SETD2: variants seen among roughly 807,000 people sequenced by gnomAD.
SETD2 encodes SET domain containing 2, histone lysine methyltransferase, also known as histone-lysine N-methyltransferase SETD2.
In SETD2, 31 loss-of-function variants were observed where a neutral mutation model predicts 242.1. The ratio of observed to expected loss-of-function variants is 0.13; its 90% CI spans 0.10 to 0.17. The LOEUF is 0.17. Among genes scored for constraint, SETD2 ranks in the 10% least tolerant of loss-of-function variants. The probability of loss-of-function intolerance (pLI) is 1.00; values close to 1 mark genes in which losing one functional copy is unlikely to be tolerated. For missense variants in SETD2, 2,481 were observed against 3,046.3 expected (o/e 0.81, Z 4.37); for synonymous variants, 1,006 against 1,066.5 (o/e 0.94, Z 1.11).
intron 15 of SETD2, among the ~76,000 whole-genome samples, chr3:47,047,374 T>A (rs1012155554): frequency 6.6e-6 from 1 of 152,172 alleles, no homozygotes; most frequent in African/African-American, 2.4e-5. Flanking sequence ...GCATAGAAAA[T>A]CTGCTTAAAT....
chr3:47,146,484 C>G (rs1192443039), intron 1 of SETD2, among the ~76,000 whole-genome samples: 1 of 151,858 alleles, frequency 6.6e-6, no homozygotes, highest in Non-Finnish European at 1.5e-5. Context: ...AAAAATTAAC[C>G]AGTCATAGTG....
Position 47,121,532 on chromosome 3 carries a change from T to C in SETD2, c.3104A>G (p.His1035Arg), listed in dbSNP as rs2106653309. 6.2e-7 allele frequency: 1 copy of C among 1,614,180 alleles called. No homozygotes were observed. The highest frequency in any genetic ancestry group is 1.3e-5 in the African/African-American group (1 of 75,062). ...GHAPEIVSTV[H>R]EDYSGSSESS... ...TTCAGAAGAGCCAGAATAATCTTCA[T>C]GAACTGTAGACACAATTTCTGGGGC... Residue 1035 changes from histidine to arginine, a missense_variant, in exon 3 of 21, where the codon CAT becomes CGT. By Grantham distance (29) the His-to-Arg change is conservative. Transcript: ENST00000409792.
At position 47,106,253 on chromosome 3, in the gene SETD2, T is replaced by G; in HGVS notation, c.4716-133A>C. On this transcript the variant is annotated intron_variant, in intron 5 of 20. Transcript: ENST00000409792. ...AATTCAGTTATTACACAAAATAAAT[T>G]TCAAACACATGTCAAGTATCTAGCT... 4 of 759,210 alleles carry G rather than the reference T, an allele frequency of 5.3e-6. No individual in the cohort carries two copies. In the South Asian group the frequency reaches 9.5e-5, roughly 18 times the overall value. The allele number at this position is 759,210 out of a possible 1,614,324, so 47.0% of individuals were successfully genotyped here.
intron 18 of SETD2, among the ~76,000 whole-genome samples, chr3:47,030,176 G>T (rs1221782977): frequency 6.6e-6 from 1 of 151,352 alleles, no homozygotes; most frequent in Non-Finnish European, 1.5e-5. Flanking sequence ...AATAAAATAT[G>T]AAAAATACAA....
rs2106690898 is a variant in SETD2 at position 47,122,924 on chromosome 3, T to C, written c.1712A>G (p.Asn571Ser). Residue 571 changes from asparagine to serine, a missense_variant, in exon 3 of 21, where the codon AAT becomes AGT. Transcript: ENST00000409792. ...KPIPKSDKFK[N>S]SFCCTELNEE... ...ATTTAATTCTGTACAACAGAAAGAA[T>C]TTTTAAATTTATCAGACTTGGGTAT... 4 of 1,610,566 alleles carry C rather than the reference T, an allele frequency of 2.5e-6. No homozygotes were observed. In the Admixed American group the frequency reaches 6.8e-5, roughly 27 times the overall value.
At position 47,085,233 on chromosome 3, in the gene SETD2, T is replaced by A. The variant is rs532447837; in HGVS notation, c.5398-851A>T. Among the ~76,000 whole-genome samples the A allele has an allele frequency of 2.0e-5, 3 of 152,338 alleles. No homozygotes were observed. In the South Asian group the frequency reaches 6.2e-4, roughly 32 times the overall value. On this transcript the variant is annotated intron_variant, in intron 11 of 20. Transcript: ENST00000409792. Reference sequence around the variant, plus strand: ...CAACATCAAATAGGACTGATTAATATTCTCTACCAGTAGTTCCTAAACCTG... The same window carrying A: ...CAACATCAAATAGGACTGATTAATAATCTCTACCAGTAGTTCCTAAACCTG...
At chr3:47,089,828 G>A (rs2041720383) in intron 9 of SETD2, among the ~76,000 whole-genome samples, 1 of 152,156 alleles carries the variant, frequency 6.6e-6, no homozygotes, top group Non-Finnish European at 1.5e-5. Context: ...ATAAAGACAA[G>A]AGGAAAGGGT....
chr3:47,146,544 C>T (rs932037046), intron 1 of SETD2, among the ~76,000 whole-genome samples: 1 of 151,338 alleles, frequency 6.6e-6, no homozygotes, highest in South Asian at 2.1e-4. Flanking sequence ...AGGAGAATCG[C>T]TTGAATCCAG....
rs1010997320 is a variant in SETD2 at position 47,019,957 on chromosome 3, A to G, written c.7351-117T>C. The G allele has an allele frequency of 6.9e-6, 6 of 864,838 alleles. No homozygotes were observed. The African/African-American group carries it at 1.0e-4, about 15-fold the overall frequency. 53.6% of individuals were successfully genotyped at this position (864,838 alleles called of 1,614,324 possible). A position where few individuals can be genotyped will look rare whatever the true frequency, so the allele number is the denominator to read the frequency against. The stretch of plus-strand genomic sequence containing the variant: ...GCAGGGATACCTGATTCTTGGTATT[A>G]GAATCCGTTTAGAGGCCCTGACTCA... On this transcript the variant is annotated intron_variant, in intron 18 of 20. Coordinates refer to ENST00000409792, the MANE Select transcript of SETD2 (RefSeq NM_014159.7).
chr3:47,144,411 G>A (rs1268931515), intron 1 of SETD2, among the ~76,000 whole-genome samples: 1 of 152,084 alleles, frequency 6.6e-6, no homozygotes, highest in Non-Finnish European at 1.5e-5. Flanking sequence ...GACCGAGGCA[G>A]GCGAATCACG....
chr3:47,123,639 T>G lies in SETD2; in HGVS notation c.997A>C (p.Ser333Arg), dbSNP rs2043199895. The change falls in exon 3 of 21, where the codon AGT (serine) becomes CGT (arginine). Residue 333 changes from serine to arginine, a missense_variant. Around this residue, in one of 17 missense-constraint regions of SETD2, gnomAD observed 38 missense variants for 61.0 expected, o/e 0.62. Coordinates refer to ENST00000409792, the MANE Select transcript of SETD2 (RefSeq NM_014159.7). ...SDEDSVRTSS[S>R]QRSHDLKFSA... ...AATTTTAAATCATGTGATCTTTGAC[T>G]TGAAGAAGTCCGTACAGAATCTTCA... The G allele has an allele frequency of 6.5e-7, 1 of 1,550,160 alleles. No homozygotes were observed. The highest frequency in any genetic ancestry group is 1.2e-5 in the South Asian group (1 of 83,898).
rs187207305 is a variant in SETD2, at chr3:47,045,162, C to A, written c.7098+1325G>T. On this transcript the variant is annotated intron_variant, in intron 16 of 20. Coordinates refer to ENST00000409792, the MANE Select transcript of SETD2 (RefSeq NM_014159.7). The stretch of plus-strand genomic sequence containing the variant: ...CAACACTTTGGGAGGCTGAAGCGGG[C>A]GGATCATGAGGTCAGGAGTTCAAGA... Among the ~76,000 whole-genome samples, 11 of 151,840 alleles carry A rather than the reference C, an allele frequency of 7.2e-5. No individual in the cohort carries two copies. In the East Asian group the frequency reaches 1.4e-3, roughly 19 times the overall value.
chr3:47,079,627 T>C (rs1261596448), intron 12 of SETD2, among the ~76,000 whole-genome samples: 1 of 152,198 alleles, frequency 6.6e-6, no homozygotes, highest in Non-Finnish European at 1.5e-5. Context: ...AAGGACAAGA[T>C]AGTAAATATT....
At chr3:47,063,254 A>G (rs1195544392) in intron 13 of SETD2, among the ~76,000 whole-genome samples, 2 of 152,186 alleles carry the variant, frequency 1.3e-5, no homozygotes, top group Non-Finnish European at 2.9e-5. Flanking sequence ...TAAAAGGAAA[A>G]TATATCAAAC....
At chr3:47,085,195 T>C (rs183570887) in intron 11 of SETD2, among the ~76,000 whole-genome samples, 223 of 152,318 alleles carry the variant, frequency 1.5e-3, no homozygotes, top group Middle Eastern at 3.4e-3. Context: ...ATAAGACTGA[T>C]CAGCAAGAAT....
intron 15 of SETD2, chr3:47,046,950 A>G (rs2039559067): frequency 5.9e-6 from 1 of 168,546 alleles, no homozygotes; most frequent in Non-Finnish European, 1.3e-5. Context: ...GACAGTTTCT[A>G]TAAGCAAAAA....
chr3:47,077,335 G>A (rs370198992), intron 12 of SETD2, among the ~76,000 whole-genome samples: 136 of 152,068 alleles, frequency 8.9e-4, no homozygotes, highest in African/African-American at 3.2e-3. Context: ...CACCTGCCTC[G>A]GCCTCCCAAA....
At chr3:47,073,474 T>C (rs1346745694) in intron 12 of SETD2, among the ~76,000 whole-genome samples, 3 of 152,088 alleles carry the variant, frequency 2.0e-5, no homozygotes, top group African/African-American at 7.2e-5. Flanking sequence ...GAGATTTGAT[T>C]AGAAGATACT....
At chr3:47,154,362 T>C (rs966431690) in intron 1 of SETD2, among the ~76,000 whole-genome samples, 16 of 152,040 alleles carry the variant, frequency 1.1e-4, no homozygotes, top group African/African-American at 3.1e-4. Context: ...TGAGCCGAGA[T>C]TGTGCCACTG....
Sources: gnomAD v4.1 joint callset for allele counts (sites outside exome capture counted in the v4.1 genomes callset) on GRCh38, gnomAD v4.1.1 for gene constraint, gnomAD v4.1.1 regional missense constraint, MANE v1.5 for transcripts, NCBI Gene and HGNC (gene_info 2026-07-23, HGNC 2026-07-21) for gene names.